The following CD47 variants were observed in gnomAD, a reference collection of about 807,000 sequenced individuals.
CD47 encodes leukocyte surface antigen CD47.
Under a neutral mutation model 44.6 loss-of-function variants are expected in CD47, and 11 were observed. The observed-to-expected ratio is 0.25, with a 90% CI of 0.16 to 0.41. CD47 has a LOEUF of 0.41. Among genes scored for constraint, CD47 ranks in the 10% least tolerant of loss-of-function variants. CD47 has a pLI of 1.00. For synonymous variants in CD47, 140 were observed against 136.3 expected, an observed-to-expected ratio of 1.03 and a Z score of -0.19; for missense variants, 306 against 386.7, an observed-to-expected ratio of 0.79 and a Z score of 1.75.
rs140134339 is a variant in CD47 at position 108,071,642 on chromosome 3, T to C, written c.401-460A>G. Among the ~76,000 whole-genome samples, 558 of 152,346 alleles carry C rather than the reference T, an allele frequency of 3.7e-3. 2 individuals are homozygous for C. The highest frequency in any genetic ancestry group is 0.013 in the African/African-American group (534 of 41,578). The stretch of plus-strand genomic sequence containing the variant: ...GTAACTATTAACAAAGTTAATAAAC[T>C]ACATGCAAAGGGCTTAAAACAAAGC... On this transcript the variant is annotated intron_variant, in intron 2 of 10. Transcript: ENST00000361309.
intron 10 of CD47, among the ~76,000 whole-genome samples, chr3:108,048,371 GTTTTTTTTTTTTTTTT>G (rs146476512): frequency 2.5e-5 from 2 of 79,582 alleles, no homozygotes; most frequent in Non-Finnish European, 4.6e-5. Context: ...TGACTGGAGT[GTTTTTTTTTTTTTTTT>G]TTTTTTTTTT....
intron 2 of CD47, among the ~76,000 whole-genome samples, chr3:108,076,602 T>A (rs144465287): frequency 6.6e-6 from 1 of 152,326 alleles, no homozygotes; most frequent in East Asian, 1.9e-4. Context: ...CTTCCCTATT[T>A]GTTAAATGGT....
chr3:108,066,186 C>G (rs1424873678), intron 3 of CD47, among the ~76,000 whole-genome samples: 1 of 151,818 alleles, frequency 6.6e-6, no homozygotes, highest in African/African-American at 2.4e-5. Flanking sequence ...GGAACATCTA[C>G]TCAAAGACAT....
At chr3:108,086,915 G>T (rs2079532253) in intron 1 of CD47, among the ~76,000 whole-genome samples, 1 of 152,150 alleles carries the variant, frequency 6.6e-6, no homozygotes, top group South Asian at 2.1e-4. Context: ...TTGGAAAAGT[G>T]AGTAGGTTTT....
chr3:108,075,916 G>A (rs1165363820), intron 2 of CD47, among the ~76,000 whole-genome samples: 1 of 152,210 alleles, frequency 6.6e-6, no homozygotes, highest in East Asian at 1.9e-4. Context: ...AAATATGCAA[G>A]GGGCCATGGG....
At chr3:108,077,031 CA>C (rs1560023699) in intron 2 of CD47, among the ~76,000 whole-genome samples, 1 of 152,128 alleles carries the variant, frequency 6.6e-6, no homozygotes, top group Non-Finnish European at 1.5e-5. Flanking sequence ...TACATAGGCA[CA>C]GAGGTATATA....
intron 3 of CD47, among the ~76,000 whole-genome samples, chr3:108,065,550 T>G (rs753784976): frequency 1.3e-5 from 2 of 152,070 alleles, no homozygotes; most frequent in Non-Finnish European, 2.9e-5. Context: ...TGGTGGCTAA[T>G]GCCTGTAATC....
intron 4 of CD47, among the ~76,000 whole-genome samples, chr3:108,060,486 T>C (rs1191563707): frequency 6.6e-6 from 1 of 152,172 alleles, no homozygotes; most frequent in Non-Finnish European, 1.5e-5. Context: ...TGATAAACAC[T>C]GTCATTCTTC....
intron 1 of CD47, among the ~76,000 whole-genome samples, chr3:108,085,515 T>C (rs2079502884): frequency 6.6e-6 from 1 of 152,148 alleles, no homozygotes; most frequent in Admixed American, 6.5e-5. Flanking sequence ...TGCTAACTTT[T>C]GCTCTTCCTA....
In CD47 at chr3:108,055,349, G is replaced by C. The variant is rs186183032; in HGVS notation, c.877+2128C>G. On this transcript the variant is annotated intron_variant, in intron 7 of 10. Coordinates refer to ENST00000361309, the MANE Select transcript of CD47 (RefSeq NM_001777.4). ...TTTTCTAAAACAGAACACGTGCAAT[G>C]AGTAAAAATTATTTTGGAGACACTT... Among the ~76,000 whole-genome samples the C allele has an allele frequency of 3.2e-3, 481 of 152,208 alleles. 1 individual carries two copies. Among genetic ancestry groups the C allele is most frequent in the Non-Finnish European group, 4.5e-3 (309 of 67,984 alleles).
intron 1 of CD47, among the ~76,000 whole-genome samples, chr3:108,085,999 T>C (rs1407152177): frequency 6.6e-6 from 1 of 152,084 alleles, no homozygotes; most frequent in Admixed American, 6.6e-5. Context: ...ATGATCTTCC[T>C]AGAGGGTGAT....
intron 5 of CD47, among the ~76,000 whole-genome samples, chr3:108,058,955 G>T (rs2078964984): frequency 6.6e-6 from 1 of 152,136 alleles, no homozygotes; most frequent in Non-Finnish European, 1.5e-5. Flanking sequence ...CTTTCAAAAT[G>T]CAGTGAAAAT....
At chr3:108,059,941 C>T (rs946973536) in intron 4 of CD47, among the ~76,000 whole-genome samples, 1 of 152,196 alleles carries the variant, frequency 6.6e-6, no homozygotes, top group African/African-American at 2.4e-5. Flanking sequence ...AATAGAGCTG[C>T]CAAGCCCATG....
At chr3:108,086,298 C>A (rs2079520080) in intron 1 of CD47, among the ~76,000 whole-genome samples, 1 of 150,954 alleles carries the variant, frequency 6.6e-6, no homozygotes, top group Non-Finnish European at 1.5e-5. Flanking sequence ...GGACTGAGGG[C>A]AGCAAGGGAA....
At chr3:108,080,944 A>G (rs1000416656) in intron 1 of CD47, among the ~76,000 whole-genome samples, 15 of 151,894 alleles carry the variant, frequency 9.9e-5, no homozygotes, top group Admixed American at 7.9e-4. Flanking sequence ...TGAGGAAAAA[A>G]AAAACATTAT....
rs2078704477 is a variant in CD47 at position 108,045,272 on chromosome 3, ACT to A, written c.*2014_*2015del. The A allele has an allele frequency of 2.0e-5, 3 of 152,632 alleles. No homozygotes were observed. Among genetic ancestry groups the A allele is most frequent in the Non-Finnish European group, 4.4e-5 (3 of 68,040 alleles). The allele number at this position is 152,632 out of a possible 1,614,324, so 9.5% of individuals were successfully genotyped here. On this transcript the variant is annotated 3_prime_UTR_variant, in exon 11 of 11. Coordinates refer to ENST00000361309, the MANE Select transcript of CD47 (RefSeq NM_001777.4). ...ACAACTTTAGTTTATAAAAAATTTTACTATAAAGATTTTCATACCTTTTCTAA... is the reference window on the plus strand; with the variant it reads ...ACAACTTTAGTTTATAAAAAATTTTAATAAAGATTTTCATACCTTTTCTAA...
At chr3:108,051,699 G>C (rs947270461) in intron 8 of CD47, 2 of 617,116 alleles carry the variant, frequency 3.2e-6, no homozygotes, top group African/African-American at 3.6e-5. Context: ...TTCCAGTTTT[G>C]GGTGTGAGAA....
intron 10 of CD47, among the ~76,000 whole-genome samples, chr3:108,048,388 T>G (rs889595417): frequency 5.0e-5 from 7 of 140,578 alleles, no homozygotes; most frequent in East Asian, 2.0e-4. Flanking sequence ...TTTTTTTTTT[T>G]TTTTTTTTTT....
At chr3:108,083,286 T>C (rs1275978079) in intron 1 of CD47, among the ~76,000 whole-genome samples, 1 of 152,068 alleles carries the variant, frequency 6.6e-6, no homozygotes, top group Non-Finnish European at 1.5e-5. Flanking sequence ...TGTACAAGTA[T>C]TGGTGAATAT....
Sources: gnomAD v4.1 joint callset for allele counts (sites outside exome capture counted in the v4.1 genomes callset) on GRCh38, gnomAD v4.1.1 for gene constraint, MANE v1.5 for transcripts, NCBI Gene and HGNC (gene_info 2026-07-23, HGNC 2026-07-21) for gene names.